ATP6V0A1: variants seen among roughly 807,000 people sequenced by gnomAD.
ATP6V0A1 encodes the protein V-type proton ATPase 116 kDa subunit a 1.
A neutral mutation model predicts 105.4 loss-of-function variants in ATP6V0A1; 43 were observed. The ratio of observed to expected loss-of-function variants is 0.41; its 90% CI spans 0.32 to 0.53. The LOEUF is 0.53. Ranked by LOEUF, ATP6V0A1 falls within the 20% of genes least tolerant of loss-of-function variation. ATP6V0A1 has a pLI of 0.30. For synonymous variants in ATP6V0A1, 362 were observed against 372.8 expected (o/e 0.97, Z 0.33); for missense variants, 676 against 1,051.1 (o/e 0.64, Z 4.93).
At chr17:42,470,822 G>C (rs1278254962) in intron 5 of ATP6V0A1, 1 of 153,396 alleles carries the variant, frequency 6.5e-6, no homozygotes. Flanking sequence ...TAAAGTTCTT[G>C]GGTTAAATAT....
At position 42,492,317 on chromosome 17, in the gene ATP6V0A1, C is replaced by T. The variant is rs191693441; in HGVS notation, c.1174+1680C>T. ...CCAGGAGGCAAAGGTTGCAGTGAAC[C>T]GACATCATGCCACTGCACTCCAGCT... On this transcript the variant is annotated intron_variant, in intron 11 of 21. Transcript: ENST00000343619. Among the ~76,000 whole-genome samples, 507 of 152,002 alleles carry T rather than the reference C, an allele frequency of 3.3e-3. 3 individuals are homozygous for T. Among genetic ancestry groups the T allele is most frequent in the Non-Finnish European group, 5.2e-3 (353 of 67,988 alleles).
chr17:42,513,081 C>A (rs986908436), intron 19 of ATP6V0A1, among the ~76,000 whole-genome samples: 1 of 152,196 alleles, frequency 6.6e-6, no homozygotes, highest in Non-Finnish European at 1.5e-5. Flanking sequence ...TTCCTTTATT[C>A]TGGAAATAAT....
In ATP6V0A1 at chr17:42,500,905, A is replaced by G. The variant is rs374714164; in HGVS notation, c.1878A>G (p.Ser626=). 9.4e-5 allele frequency: 152 copies of G among 1,613,240 alleles called. 1 individual carries two copies. The Middle Eastern group carries it at 1.5e-3, about 16-fold the overall frequency. The change falls in exon 16 of 22, where the codon TCA becomes TCG. Residue 626 remains serine, a synonymous_variant. Transcript: ENST00000343619. The part of the protein sequence containing the change: ...FLFSYPESGY[S]MLYSGQKGIQ... ...TTTCCTACCCAGAGTCTGGTTATTC[A>G]ATGTTGTATTCTGGACAGGTACGTC... is the stretch of plus-strand genomic sequence containing the variant.
chr17:42,465,511 A>G (rs2086938219), intron 2 of ATP6V0A1, among the ~76,000 whole-genome samples: 1 of 151,100 alleles, frequency 6.6e-6, no homozygotes, highest in Non-Finnish European at 1.5e-5. Context: ...GCTGGTCTTG[A>G]ACTCCTGACC....
At chr17:42,464,266 T>C (rs1255334300) in intron 2 of ATP6V0A1, among the ~76,000 whole-genome samples, 1 of 152,236 alleles carries the variant, frequency 6.6e-6, no homozygotes, top group Non-Finnish European at 1.5e-5. Context: ...TCTGTAGAGC[T>C]GAAGACTGGG....
At chr17:42,508,461 C>T (rs1273811650) in intron 18 of ATP6V0A1, 111 bp from the exon 19 acceptor site, 2 of 1,395,958 alleles carry the variant, frequency 1.4e-6, no homozygotes, top group African/African-American at 2.8e-5. Flanking sequence ...ACGTGCTAGC[C>T]CATTTAACAT....
At chr17:42,491,666 C>CGA (rs1406813087) in intron 11 of ATP6V0A1, among the ~76,000 whole-genome samples, 2 of 151,864 alleles carry the variant, frequency 1.3e-5, no homozygotes, top group Non-Finnish European at 2.9e-5. Context: ...TATTTTTAGT[C>CGA]GAGACGGGGT....
At chr17:42,497,293 C>G (rs2091269278) in intron 14 of ATP6V0A1, among the ~76,000 whole-genome samples, 1 of 142,492 alleles carries the variant, frequency 7.0e-6, no homozygotes, top group African/African-American at 2.6e-5. Context: ...GAGTGAAGAC[C>G]CTGTCTCAAA....
At position 42,494,365 on chromosome 17, in the gene ATP6V0A1, A is replaced by G. The variant is rs777658942; in HGVS notation, c.1206A>G (p.Leu402=). Reference sequence around the variant, plus strand: ...ATACTATTATCACGTTCCCTTTTCTATTTGCTGTGATGTTTGGAGACTTCG... The same window carrying G: ...ATACTATTATCACGTTCCCTTTTCTGTTTGCTGTGATGTTTGGAGACTTCG... ...APYTIITFPF[L]FAVMFGDFGH... Residue 402 remains leucine (L), a synonymous_variant, in exon 12 of 22, where the codon CTA becomes CTG. Coordinates refer to ENST00000343619, the MANE Select transcript of ATP6V0A1 (RefSeq NM_001130021.3). 8 of 1,612,894 alleles carry G rather than the reference A, an allele frequency of 5.0e-6. No individual in the cohort carries two copies. The highest frequency in any genetic ancestry group is 3.3e-5 in the Admixed American group (2 of 59,904).
chr17:42,508,532 TG>T, intron 18 of ATP6V0A1, 39 bp from the exon 19 acceptor site: 1 of 1,613,634 alleles, frequency 6.2e-7, no homozygotes, highest in Non-Finnish European at 8.5e-7. Context: ...ACCTTGTGTG[TG>T]GCGTGGCTCC....
rs148073399 is a variant in ATP6V0A1 at position 42,498,136 on chromosome 17, G to T, written c.1561-788G>T. Among the ~76,000 whole-genome samples the T allele has an allele frequency of 6.2e-3, 940 of 152,142 alleles. 10 individuals are homozygous for T. The highest frequency in any genetic ancestry group is 0.014 in the Middle Eastern group (4 of 294). On this transcript the variant is annotated intron_variant, in intron 14 of 21. Coordinates refer to ENST00000343619, the MANE Select transcript of ATP6V0A1 (RefSeq NM_001130021.3). ...ATCGTGGCCTGTGCCTGTAATCCCA[G>T]CTACCTGGGAGGCTGAGGCAAGGCA... is the stretch of plus-strand genomic sequence containing the variant.
intron 21 of ATP6V0A1, 103 bp from the exon 22 acceptor site, chr17:42,520,923 CG>C (rs1419697714): frequency 1.0e-6 from 1 of 998,326 alleles, no homozygotes; most frequent in East Asian, 2.5e-5. Context: ...AAGGGAGGCT[CG>C]GGGTGAGGTG....
intron 19 of ATP6V0A1, chr17:42,509,758 G>A (rs1239606518): frequency 6.6e-6 from 1 of 152,186 alleles, no homozygotes; most frequent in Non-Finnish European, 1.5e-5. Context: ...GTGTACCAGC[G>A]TTCTCGTTTG....
chr17:42,495,965 G>A (rs897520308), intron 14 of ATP6V0A1: 2 of 331,706 alleles, frequency 6.0e-6, no homozygotes, highest in East Asian at 6.8e-5. Flanking sequence ...CCAGCTACCC[G>A]GGAGACTGAG....
chr17:42,478,086 TC>T (rs1477520135), intron 6 of ATP6V0A1, among the ~76,000 whole-genome samples: 1 of 151,804 alleles, frequency 6.6e-6, no homozygotes, highest in Non-Finnish European at 1.5e-5. Context: ...CTGGAAACCA[TC>T]ATTCTCAGCA....
At chr17:42,498,824 C>CTAAA (rs1359581796) in intron 14 of ATP6V0A1, 100 bp from the exon 15 acceptor site, 35 of 813,254 alleles carry the variant, frequency 4.3e-5, no homozygotes, top group South Asian at 2.5e-4. Flanking sequence ...AGACTCGTCT[C>CTAAA]TAAATAAATA....
At chr17:42,463,250 A>G (rs1243526859) in intron 2 of ATP6V0A1, among the ~76,000 whole-genome samples, 1 of 147,056 alleles carries the variant, frequency 6.8e-6, no homozygotes, top group Non-Finnish European at 1.5e-5. Flanking sequence ...CAGGTGATCC[A>G]TCCCCCCTCA....
In ATP6V0A1 at chr17:42,460,933, C is replaced by G; in HGVS notation, c.39C>G (p.Ala13=). ...TCCGGAGTGAAGAAATGACACTGGC[C>G]CAGCTTTTTCTACAGTCAGAGGCTG... The part of the protein sequence containing the change: ...ELFRSEEMTL[A]QLFLQSEAAY... Residue 13 remains alanine, a synonymous_variant, in exon 2 of 22, where the codon GCC becomes GCG. Transcript: ENST00000343619. 2 of 1,614,036 alleles carry G rather than the reference C, an allele frequency of 1.2e-6. No individual in the cohort carries two copies. The highest frequency in any genetic ancestry group is 1.3e-5 in the African/African-American group (1 of 75,006).
Position 42,460,972 on chromosome 17 carries a change from C to T in ATP6V0A1, c.78C>T (p.Val26=), listed in dbSNP as rs780134569. The T allele has an allele frequency of 2.3e-5, 37 of 1,614,034 alleles. No individual in the cohort carries two copies. The highest frequency in any genetic ancestry group is 1.6e-4 in the Middle Eastern group (1 of 6,062). Residue 26 remains valine (V), a synonymous_variant, in exon 2 of 22, where the codon GTC becomes GTT. Coordinates refer to ENST00000343619, the MANE Select transcript of ATP6V0A1 (RefSeq NM_001130021.3). ...AGTCAGAGGCTGCTTATTGTTGTGT[C>T]AGTGAATTAGGAGAACTTGGAAAGG... The part of the protein sequence containing the change: ...FLQSEAAYCC[V]SELGELGKVQ...
Sources: gnomAD v4.1 joint callset for allele counts (sites outside exome capture counted in the v4.1 genomes callset) on GRCh38, gnomAD v4.1.1 for gene constraint, MANE v1.5 for transcripts, NCBI Gene and HGNC (gene_info 2026-07-23, HGNC 2026-07-21) for gene names.